RIN3: variants seen among roughly 807,000 people sequenced by gnomAD.
RIN3 encodes the protein Ras and Rab interactor 3.
RIN3 carries 54 observed loss-of-function variants against 76.3 expected under a neutral mutation model. The observed-to-expected ratio is 0.71, with a 90% CI of 0.57 to 0.89. RIN3 has a LOEUF of 0.89. Among genes scored for constraint, RIN3 ranks in the 40% least tolerant of loss-of-function variants. RIN3 has a pLI of 0.00. For missense variants in RIN3, 1,256 were observed against 1,322.1 expected, an observed-to-expected ratio of 0.95 and a Z score of 0.78; for synonymous variants, 576 against 564.0, an observed-to-expected ratio of 1.02 and a Z score of -0.30.
In RIN3 at chr14:92,682,343, A is replaced by G. The variant is rs116607725; in HGVS notation, c.2468-2644A>G. 1.7e-3 allele frequency among the ~76,000 whole-genome samples: 256 copies of G among 152,280 alleles called. 1 individual carries two copies. Among genetic ancestry groups the G allele is most frequent in the African/African-American group, 6.0e-3 (249 of 41,542 alleles). ...GAGATGTGTGGGCCAGCTTCACCCA[A>G]TGTAACAGCTAGGAATGCTTTGGGC... is the stretch of plus-strand genomic sequence containing the variant. On this transcript the variant is annotated intron_variant, in intron 8 of 9. Coordinates refer to ENST00000216487, the MANE Select transcript of RIN3 (RefSeq NM_024832.5).
At chr14:92,602,669 A>G (rs1177324662) in intron 3 of RIN3, among the ~76,000 whole-genome samples, 11 of 152,170 alleles carry the variant, frequency 7.2e-5, no homozygotes, top group Non-Finnish European at 4.4e-5. Context: ...GTAACCCTCC[A>G]TGACTCCTCA....
intron 3 of RIN3, among the ~76,000 whole-genome samples, chr14:92,602,455 C>T (rs527451420): frequency 6.6e-6 from 1 of 152,178 alleles, no homozygotes; most frequent in Admixed American, 6.5e-5. Context: ...CAAAAGGCAC[C>T]TGCTATACTG....
At chr14:92,573,943 C>T (rs1490418662) in intron 2 of RIN3, among the ~76,000 whole-genome samples, 1 of 152,200 alleles carries the variant, frequency 6.6e-6, no homozygotes, top group East Asian at 1.9e-4. Flanking sequence ...CGAGGCTTGT[C>T]TCTGAGCCTC....
intron 7 of RIN3, among the ~76,000 whole-genome samples, chr14:92,661,723 T>TCTCACACACACACA (rs1555392557): frequency 3.7e-5 from 5 of 134,878 alleles, no homozygotes; most frequent in Non-Finnish European, 7.9e-5. Context: ...TGAGACTCTG[T>TCTCACACACACACA]CACACACACA....
At chr14:92,588,214 C>CTTTTTTTTT (rs141155255) in intron 3 of RIN3, among the ~76,000 whole-genome samples, 4 of 58,760 alleles carry the variant, frequency 6.8e-5, no homozygotes, top group Non-Finnish European at 1.2e-4. Flanking sequence ...CCATAGCACT[C>CTTTTTTTTT]TTTTTTTTTT....
At chr14:92,536,696 C>T (rs185267069) in intron 1 of RIN3, among the ~76,000 whole-genome samples, 17 of 147,424 alleles carry the variant, frequency 1.2e-4, no homozygotes, top group African/African-American at 4.0e-4. Flanking sequence ...GAGCTGAGAT[C>T]GCGCCACTGC....
In RIN3 at chr14:92,680,497, G is replaced by A. The variant is rs137911011; in HGVS notation, c.2467+3891G>A. ...TTACAGGTGTGAGCCACCATGTCCA[G>A]CTGGCACTTCTTCTGTAAGGGCACT... On this transcript the variant is annotated intron_variant, in intron 8 of 9. Coordinates refer to ENST00000216487, the MANE Select transcript of RIN3 (RefSeq NM_024832.5). Among the ~76,000 whole-genome samples, 532 of 152,278 alleles carry A rather than the reference G, an allele frequency of 3.5e-3. 5 individuals are homozygous for A. The highest frequency in any genetic ancestry group is 0.012 in the African/African-American group (507 of 41,548).
At chr14:92,615,271 G>A in intron 3 of RIN3, 136 bp from the exon 4 acceptor site, 1 of 720,950 alleles carries the variant, frequency 1.4e-6, no homozygotes, top group South Asian at 1.6e-5. Flanking sequence ...TGTGTATGGG[G>A]GCCGCATGCA....
At chr14:92,686,674 C>A (rs1176403688) in intron 9 of RIN3, 3 of 152,308 alleles carry the variant, frequency 2.0e-5, no homozygotes, top group African/African-American at 7.2e-5. Flanking sequence ...GTTTGGGAGA[C>A]GGAAGCTTCG....
intron 1 of RIN3, among the ~76,000 whole-genome samples, chr14:92,549,808 G>C (rs1266428593): frequency 6.6e-6 from 1 of 152,238 alleles, no homozygotes; most frequent in African/African-American, 2.4e-5. Flanking sequence ...GCTGCTCTGA[G>C]CTCATTGCTC....
In RIN3 at chr14:92,659,227, G is replaced by C. The variant is rs1476144816; in HGVS notation, c.2093G>C (p.Cys698Ser). Residue 698 changes from cysteine (C) to serine (S), a missense_variant, in exon 7 of 10, where the codon TGC becomes TCC. Around this residue, in one of 3 missense-constraint regions of RIN3, gnomAD observed 428 missense variants for 521.2 expected, o/e 0.82. Coordinates refer to ENST00000216487, the MANE Select transcript of RIN3 (RefSeq NM_024832.5). ...LKPLKEAINS[C>S]LHQIHSKDGS... ...CCCCTGAAGGAAGCCATCAACTCATGCCTGCATCAGATCCACAGCAAGGAT... is the reference window on the plus strand; with the variant it reads ...CCCCTGAAGGAAGCCATCAACTCATCCCTGCATCAGATCCACAGCAAGGAT... 1.3e-5 allele frequency: 21 copies of C among 1,614,188 alleles called. No individual in the cohort carries two copies. Among genetic ancestry groups the C allele is most frequent in the Non-Finnish European group, 1.8e-5 (21 of 1,180,024 alleles).
chr14:92,600,434 T>C (rs1284271464), intron 3 of RIN3, among the ~76,000 whole-genome samples: 6 of 152,198 alleles, frequency 3.9e-5, no homozygotes, highest in Non-Finnish European at 8.8e-5. Flanking sequence ...CCCAGCAGGC[T>C]GGCTATTTAC....
chr14:92,524,036 T>G lies in RIN3; in HGVS notation c.44+10060T>G, dbSNP rs1044569467. On this transcript the variant is annotated intron_variant, in intron 1 of 9. Transcript: ENST00000216487. ...AGCAAGACCCCGTCTCTACAAAAAATTTTATAAATGAGCTGGGCATGGTGG... is the reference window on the plus strand; with the variant it reads ...AGCAAGACCCCGTCTCTACAAAAAAGTTTATAAATGAGCTGGGCATGGTGG... Among the ~76,000 whole-genome samples the G allele has an allele frequency of 2.6e-5, 4 of 152,202 alleles. No homozygotes were observed. In the South Asian group the frequency reaches 8.3e-4, roughly 32 times the overall value.
At chr14:92,615,690 CA>C (rs1885931973) in intron 4 of RIN3, 1 of 560,352 alleles carries the variant, frequency 1.8e-6, no homozygotes, top group Non-Finnish European at 3.2e-6. Flanking sequence ...CCCTCCCTTC[CA>C]CACCTGCCCC....
chr14:92,586,730 G>A (rs1449965043), intron 3 of RIN3: 2 of 152,064 alleles, frequency 1.3e-5, no homozygotes, highest in African/African-American at 4.8e-5. Flanking sequence ...TTGAAGACAG[G>A]GTTCTTGGCA....
chr14:92,676,524 G>A lies in RIN3; in HGVS notation c.2385G>A (p.Leu795=). 2 of 1,614,176 alleles carry A rather than the reference G, an allele frequency of 1.2e-6. No individual in the cohort carries two copies. The highest frequency in any genetic ancestry group is 2.2e-5 in the South Asian group (2 of 91,086). The stretch of plus-strand genomic sequence containing the variant: ...TCCTGCCTGTGCTCATGTATGTGCT[G>A]GCCCGCAGCAACCTCACGGAGATGC... ...DDFLPVLMYV[L]ARSNLTEMLL... The change falls in exon 8 of 10, where the codon CTG becomes CTA. Residue 795 remains leucine (L), a synonymous_variant. Coordinates refer to ENST00000216487, the MANE Select transcript of RIN3 (RefSeq NM_024832.5).
At chr14:92,594,926 CAT>C (rs1446922916) in intron 3 of RIN3, among the ~76,000 whole-genome samples, 3 of 152,202 alleles carry the variant, frequency 2.0e-5, no homozygotes, top group Non-Finnish European at 4.4e-5. Flanking sequence ...CACTGAGCAA[CAT>C]GTGTTTTCCT....
chr14:92,684,501 T>C (rs1451087396), intron 8 of RIN3, among the ~76,000 whole-genome samples: 1 of 152,108 alleles, frequency 6.6e-6, no homozygotes, highest in Non-Finnish European at 1.5e-5. Flanking sequence ...ATATGGGTCC[T>C]GGAAGCATGG....
intron 1 of RIN3, among the ~76,000 whole-genome samples, chr14:92,533,172 A>G (rs1896922741): frequency 6.6e-6 from 1 of 152,262 alleles, no homozygotes; most frequent in Non-Finnish European, 1.5e-5. Context: ...TATACACTGA[A>G]AAGATGTAAA....
Sources: gnomAD v4.1 joint callset for allele counts (sites outside exome capture counted in the v4.1 genomes callset) on GRCh38, gnomAD v4.1.1 for gene constraint, gnomAD v4.1.1 regional missense constraint, MANE v1.5 for transcripts, NCBI Gene and HGNC (gene_info 2026-07-23, HGNC 2026-07-21) for gene names.